The following R3HCC1L variants were observed in gnomAD, a reference collection of about 807,000 sequenced individuals.
The protein encoded by R3HCC1L is R3H domain and coiled-coil containing 1 like.
In R3HCC1L, 51 loss-of-function variants were observed where a neutral mutation model predicts 59.9. That is an observed-to-expected ratio of 0.85 (90% CI 0.68 to 1.07). The LOEUF (loss-of-function observed/expected upper bound fraction) is 1.07. Ranked by LOEUF, R3HCC1L falls within the 50% of genes least tolerant of loss-of-function variation. The probability of loss-of-function intolerance (pLI) is 0.00; values close to 1 mark genes in which losing one functional copy is unlikely to be tolerated. For missense variants in R3HCC1L, 965 were observed against 933.0 expected, an observed-to-expected ratio of 1.03 and a Z score of -0.45; for synonymous variants, 322 against 315.2, an observed-to-expected ratio of 1.02 and a Z score of -0.23.
At chr10:98,243,992 C>T (rs1857828856) in intron 9 of R3HCC1L, 99 bp from the exon 10 acceptor site, 4 of 998,150 alleles carry the variant, frequency 4.0e-6, no homozygotes, top group Non-Finnish European at 6.3e-6. Flanking sequence ...AGGATATCCA[C>T]TTGTCTCATG....
At chr10:98,152,452 C>A (rs1846285089) in intron 1 of R3HCC1L, among the ~76,000 whole-genome samples, 1 of 145,040 alleles carries the variant, frequency 6.9e-6, no homozygotes, top group Non-Finnish European at 1.5e-5. Context: ...CTCGGCTGCC[C>A]AATCTGGGAA....
chr10:98,215,843 G>A (rs908251846), intron 5 of R3HCC1L, among the ~76,000 whole-genome samples: 4 of 152,182 alleles, frequency 2.6e-5, no homozygotes, highest in Non-Finnish European at 5.9e-5. Flanking sequence ...TTGATGAAAT[G>A]TATATATCCA....
At chr10:98,144,214 G>GCATT (rs1485046365) in intron 1 of R3HCC1L, among the ~76,000 whole-genome samples, 52 of 151,858 alleles carry the variant, frequency 3.4e-4, no homozygotes, top group African/African-American at 1.2e-3. Context: ...ATTTATTTAT[G>GCATT]CATTCATTCA....
At chr10:98,147,651 T>C (rs1295831637) in intron 1 of R3HCC1L, among the ~76,000 whole-genome samples, 2 of 152,160 alleles carry the variant, frequency 1.3e-5, no homozygotes, top group Admixed American at 6.5e-5. Flanking sequence ...TCCAGCACCA[T>C]TTGTTGAAGA....
Position 98,208,815 on chromosome 10 carries a change from T to A in R3HCC1L, c.701T>A (p.Ile234Asn). The A allele has an allele frequency of 6.2e-7, 1 of 1,614,060 alleles. No individual in the cohort carries two copies. The highest frequency in any genetic ancestry group is 8.5e-7 in the Non-Finnish European group (1 of 1,179,980). ...TCTGTCATGAAACCTGAGAATATGA[T>A]TGTACCAATAAAACTAAGCTCTGAT... Reference protein sequence around the residue: ...FSSVMKPENMIVPIKLSSDSE... With the variant: ...FSSVMKPENMNVPIKLSSDSE... The change falls in exon 5 of 10, where the codon ATT (isoleucine) becomes AAT (asparagine). Residue 234 changes from isoleucine (I) to asparagine (N), a missense_variant. Ile to Asn is a moderately radical substitution (Grantham distance 149). Transcript: ENST00000298999.
At chr10:98,206,693 T>C (rs879316294) in intron 4 of R3HCC1L, among the ~76,000 whole-genome samples, 21 of 152,206 alleles carry the variant, frequency 1.4e-4, no homozygotes, top group Non-Finnish European at 2.6e-4. Context: ...CAGAAGTTCA[T>C]TATGATATAT....
rs11189513 is a variant in R3HCC1L at position 98,209,811 on chromosome 10, A to T, written c.1697A>T (p.His566Leu). ...GAACCAAAAGCAACTGAAACTTCTC[A>T]CACAGAGGGAATTACTGCCATTGAG... ...SIEPKATETS[H>L]TEGITAIEES... The change falls in exon 5 of 10, where the codon CAC becomes CTC. Residue 566 changes from histidine to leucine, a missense_variant. His to Leu is a moderately conservative substitution (Grantham distance 99, BLOSUM62 -3). Transcript: ENST00000298999. 1.2e-6 allele frequency: 2 copies of T among 1,613,398 alleles called. No individual in the cohort carries two copies. Among genetic ancestry groups the T allele is most frequent in the African/African-American group, 1.3e-5 (1 of 74,856 alleles).
At chr10:98,191,369 C>T (rs1850824006) in intron 4 of R3HCC1L, among the ~76,000 whole-genome samples, 1 of 152,222 alleles carries the variant, frequency 6.6e-6, no homozygotes, top group Admixed American at 6.5e-5. Flanking sequence ...GATGGTATCT[C>T]ATCATGGTTT....
At chr10:98,169,435 A>G (rs1033036668) in intron 4 of R3HCC1L, among the ~76,000 whole-genome samples, 2 of 152,220 alleles carry the variant, frequency 1.3e-5, no homozygotes, top group South Asian at 2.1e-4. Context: ...AAATGAGATA[A>G]TGTATATACA....
chr10:98,225,579 A>C (rs1855579751), intron 5 of R3HCC1L, among the ~76,000 whole-genome samples: 2 of 152,222 alleles, frequency 1.3e-5, no homozygotes, highest in Admixed American at 1.3e-4. Context: ...GGAATCTCTG[A>C]TGATTGTGGA....
At chr10:98,204,967 C>T (rs916165665) in intron 4 of R3HCC1L, among the ~76,000 whole-genome samples, 1 of 152,054 alleles carries the variant, frequency 6.6e-6, no homozygotes, top group African/African-American at 2.4e-5. Flanking sequence ...GGATGCTTCT[C>T]CTTTTTTGTG....
At chr10:98,205,173 A>T (rs1272734542) in intron 4 of R3HCC1L, among the ~76,000 whole-genome samples, 1 of 152,202 alleles carries the variant, frequency 6.6e-6, no homozygotes, top group Admixed American at 6.5e-5. Context: ...TCACTTCCTA[A>T]TTATTTTACT....
At chr10:98,154,180 A>C (rs1204660634) in intron 1 of R3HCC1L, among the ~76,000 whole-genome samples, 1 of 119,260 alleles carries the variant, frequency 8.4e-6, no homozygotes, top group African/African-American at 3.5e-5. Flanking sequence ...GCAGAGAATA[A>C]GCAAAAAAAA....
intron 9 of R3HCC1L, among the ~76,000 whole-genome samples, chr10:98,239,287 A>G (rs956720548): frequency 6.6e-6 from 1 of 152,200 alleles, no homozygotes; most frequent in Non-Finnish European, 1.5e-5. Flanking sequence ...CTCTCCATCC[A>G]TTACAAGTGG....
rs377027325 is a variant in R3HCC1L at position 98,235,553 on chromosome 10, T to A, written c.2128+33T>A. 17 of 1,521,014 alleles carry A rather than the reference T, an allele frequency of 1.1e-5. No homozygotes were observed. In the African/African-American group the frequency reaches 2.2e-4, roughly 20 times the overall value. The allele number at this position is 1,521,014 out of a possible 1,614,324, so 94.2% of individuals were successfully genotyped here. A position where few individuals can be genotyped will look rare whatever the true frequency, so the allele number is the denominator to read the frequency against. ...TATAATCTCTGGGTTTTTTTCTTGC[T>A]GATGGTGGTATTATTGTTCTTTCCA... On this transcript the variant is annotated intron_variant, in intron 8 of 9. Coordinates refer to ENST00000298999, the MANE Select transcript of R3HCC1L (RefSeq NM_001351015.2).
chr10:98,244,635 G>A lies in R3HCC1L; in HGVS notation c.*477G>A, dbSNP rs376798910. 1.2e-4 allele frequency: 18 copies of A among 155,054 alleles called. No individual in the cohort carries two copies. The highest frequency in any genetic ancestry group is 2.9e-4 in the African/African-American group (12 of 41,516). 9.6% of individuals were successfully genotyped at this position (155,054 alleles called of 1,614,324 possible). Reference sequence around the variant, plus strand: ...AGTTAGTACAAAGAGGCAGAACAGTGTCTGGTTTACTTGGCATACACAGAA... The same window carrying A: ...AGTTAGTACAAAGAGGCAGAACAGTATCTGGTTTACTTGGCATACACAGAA... On this transcript the variant is annotated 3_prime_UTR_variant, in exon 10 of 10. Coordinates refer to ENST00000298999, the MANE Select transcript of R3HCC1L (RefSeq NM_001351015.2).
At chr10:98,239,221 T>C (rs1857272337) in intron 9 of R3HCC1L, among the ~76,000 whole-genome samples, 1 of 152,234 alleles carries the variant, frequency 6.6e-6, no homozygotes, top group Non-Finnish European at 1.5e-5. Context: ...CTGTTAAGAA[T>C]TTAATGTTCA....
chr10:98,215,549 G>T (rs1207088055), intron 5 of R3HCC1L, among the ~76,000 whole-genome samples: 2 of 152,030 alleles, frequency 1.3e-5, no homozygotes, highest in East Asian at 1.9e-4. Context: ...TTTCTATTCA[G>T]TGTCATCCAT....
intron 4 of R3HCC1L, among the ~76,000 whole-genome samples, chr10:98,192,842 C>G (rs1431646856): frequency 6.6e-6 from 1 of 152,096 alleles, no homozygotes; most frequent in South Asian, 2.1e-4. Context: ...AAGAAAACTA[C>G]AGGCCAGTAT....
Sources: allele counts gnomAD v4.1 joint callset (sites outside exome capture counted in the v4.1 genomes callset), GRCh38; gene constraint gnomAD v4.1.1; transcripts MANE v1.5; gene names NCBI Gene and HGNC (gene_info 2026-07-23, HGNC 2026-07-21).